The following SIM1 variants were observed in gnomAD, a reference collection of about 807,000 sequenced individuals.
SIM1 encodes the protein SIM bHLH transcription factor 1.
A neutral mutation model predicts 78.2 loss-of-function variants in SIM1; 18 were observed. The ratio of observed to expected loss-of-function variants is 0.23; its 90% CI spans 0.16 to 0.34. The LOEUF (loss-of-function observed/expected upper bound fraction) is 0.34, where lower values mean the gene tolerates loss of function less well. Ranked by LOEUF, SIM1 falls within the 10% of genes least tolerant of loss-of-function variation. The pLI, the probability that SIM1 is intolerant of heterozygous loss-of-function variation, is 1.00. For missense variants in SIM1, 939 were observed against 975.1 expected, an observed-to-expected ratio of 0.96 and a Z score of 0.49; for synonymous variants, 417 against 385.2, an observed-to-expected ratio of 1.08 and a Z score of -0.97.
At chr6:100,463,005 G>A (rs1409606206) in intron 2 of SIM1, 3 of 325,458 alleles carry the variant, frequency 9.2e-6, no homozygotes, top group Non-Finnish European at 1.1e-5. Context: ...ACTTTCAATT[G>A]AGCCTAGTAT....
In SIM1 at chr6:100,393,755, G is replaced by A; in HGVS notation, c.1302C>T (p.Cys434=). The A allele has an allele frequency of 1.2e-6, 2 of 1,614,188 alleles. No homozygotes were observed. Among genetic ancestry groups the A allele is most frequent in the Non-Finnish European group, 1.7e-6 (2 of 1,180,018 alleles). The part of the protein sequence containing the change: ...DRPGSQHDAS[C]AYRQFSDRSS... ...TGCGGTCCGAAAACTGTCTGTAGGC[G>A]CACGATGCGTCGTGCTGGGAGCCAG... Residue 434 remains cysteine (C), a synonymous_variant, in exon 11 of 12, where the codon TGC becomes TGT. Coordinates refer to ENST00000369208, the MANE Select transcript of SIM1 (RefSeq NM_005068.3).
rs1473046542 is a variant in SIM1 at position 100,385,399 on chromosome 6, A to G, written c.*4962T>C. On this transcript the variant is annotated 3_prime_UTR_variant, in exon 12 of 12. Transcript: ENST00000369208. ...TTTTGAAATATTTCCCTTCGGAAAA[A>G]AAAAGAAAAAAGACTTACAGTACTT... 1 of 152,030 alleles carries G rather than the reference A, an allele frequency of 6.6e-6. No individual in the cohort carries two copies. Among genetic ancestry groups the G allele is most frequent in the Non-Finnish European group, 1.5e-5 (1 of 67,948 alleles). The allele number at this position is 152,030 out of a possible 1,614,324, so 9.4% of individuals were successfully genotyped here.
At chr6:100,458,495 A>G (rs944228831) in intron 2 of SIM1, among the ~76,000 whole-genome samples, 3 of 152,174 alleles carry the variant, frequency 2.0e-5, no homozygotes, top group Non-Finnish European at 4.4e-5. Flanking sequence ...CTTGCCCTTC[A>G]GGGACAGTGG....
At chr6:100,408,535 A>C (rs1327303466) in intron 10 of SIM1, among the ~76,000 whole-genome samples, 1 of 151,994 alleles carries the variant, frequency 6.6e-6, no homozygotes, top group Admixed American at 6.6e-5. Flanking sequence ...TTCACCATTG[A>C]GTATAATGGT....
chr6:100,442,872 T>A (rs1461343441), intron 9 of SIM1, among the ~76,000 whole-genome samples: 1 of 152,104 alleles, frequency 6.6e-6, no homozygotes, highest in Non-Finnish European at 1.5e-5. Flanking sequence ...AATATGAACA[T>A]ATTTTAATGT....
intron 10 of SIM1, among the ~76,000 whole-genome samples, chr6:100,418,334 G>A (rs1259139585): frequency 6.8e-6 from 1 of 147,400 alleles, no homozygotes; most frequent in Non-Finnish European, 1.5e-5. Flanking sequence ...TCCAGCCTGG[G>A]CAGCAGACTG....
Position 100,393,468 on chromosome 6 carries a change from C to T in SIM1, c.1570+19G>A, listed in dbSNP as rs1397465144. ...GGGCCTAATGCTTGGAGTTCGGGAA[C>T]CCTTTCACCTGCTCTTACCATGGAT... On this transcript the variant is annotated intron_variant, in intron 11 of 11. Transcript: ENST00000369208. 2.0e-6 allele frequency: 3 copies of T among 1,501,392 alleles called. No individual in the cohort carries two copies. Among genetic ancestry groups the T allele is most frequent in the South Asian group, 2.7e-5 (2 of 73,628 alleles). The allele number at this position is 1,501,392 out of a possible 1,614,324, so 93.0% of individuals were successfully genotyped here. A position where few individuals can be genotyped will look rare whatever the true frequency, so the allele number is the denominator to read the frequency against.
At chr6:100,458,393 A>G (rs1321703460) in intron 2 of SIM1, among the ~76,000 whole-genome samples, 1 of 151,782 alleles carries the variant, frequency 6.6e-6, no homozygotes, top group East Asian at 2.0e-4. Context: ...CTTAGGTTCT[A>G]CTTGGCGCAG....
In SIM1 at chr6:100,450,694, TCTCACACACACA is replaced by T. The variant is rs1285855111; in HGVS notation, c.259-350_259-339del. ...CTCTCTCTCTCTCTCTCTCTCTCTC[TCTCACACACACA>T]CACACACACACACACACACACACAC... is the stretch of plus-strand genomic sequence containing the variant. On this transcript the variant is annotated intron_variant, in intron 3 of 11. Coordinates refer to ENST00000369208, the MANE Select transcript of SIM1 (RefSeq NM_005068.3). Among the ~76,000 whole-genome samples the T allele has an allele frequency of 1.4e-3, 133 of 93,312 alleles. 1 individual carries two copies. The highest frequency in any genetic ancestry group is 5.9e-3 in the African/African-American group (120 of 20,416). 61.2% of individuals were successfully genotyped at this position (93,312 alleles called of 152,430 possible).
intron 10 of SIM1, among the ~76,000 whole-genome samples, chr6:100,396,902 A>G (rs1248020740): frequency 6.6e-6 from 1 of 152,214 alleles, no homozygotes; most frequent in Non-Finnish European, 1.5e-5. Context: ...CTGCATAAAA[A>G]TGCAGTAGTG....
intron 10 of SIM1, among the ~76,000 whole-genome samples, chr6:100,399,160 G>A (rs897121025): frequency 6.6e-6 from 1 of 151,938 alleles, no homozygotes; most frequent in Non-Finnish European, 1.5e-5. Context: ...TTATTGAGTT[G>A]CTATAGCTTT....
intron 3 of SIM1, among the ~76,000 whole-genome samples, chr6:100,452,385 C>T (rs555459206): frequency 6.6e-6 from 1 of 152,296 alleles, no homozygotes; most frequent in Admixed American, 6.5e-5. Context: ...GCAGGGCTTT[C>T]CATCTGGCAT....
intron 9 of SIM1, among the ~76,000 whole-genome samples, chr6:100,446,210 T>C (rs956712119): frequency 6.6e-6 from 1 of 152,206 alleles, no homozygotes; most frequent in Non-Finnish European, 1.5e-5. Context: ...ACTACATTTT[T>C]AATTTGGCAA....
intron 2 of SIM1, among the ~76,000 whole-genome samples, chr6:100,462,335 T>A (rs866635226): frequency 3.9e-5 from 6 of 152,292 alleles, no homozygotes; most frequent in African/African-American, 1.4e-4. Context: ...CAAAGACATA[T>A]CTAAAATATT....
chr6:100,400,796 G>A (rs1243327944), intron 10 of SIM1, among the ~76,000 whole-genome samples: 1 of 152,100 alleles, frequency 6.6e-6, no homozygotes, highest in East Asian at 1.9e-4. Flanking sequence ...TTACAGTAGA[G>A]TGCCAACTGA....
intron 2 of SIM1, among the ~76,000 whole-genome samples, chr6:100,462,097 GAT>G (rs1038727804): frequency 4.8e-4 from 73 of 151,960 alleles, no homozygotes; most frequent in African/African-American, 1.7e-3. Flanking sequence ...TTTATGTCAT[GAT>G]CAAGCAAAGT....
Position 100,412,604 on chromosome 6 carries a change from AAAGAAAGGAAAGAAAG to A in SIM1, c.1167+8170_1167+8185del, listed in dbSNP as rs1409109475. Among the ~76,000 whole-genome samples, 5 of 117,062 alleles carry A rather than the reference AAAGAAAGGAAAGAAAG, an allele frequency of 4.3e-5. 1 individual carries two copies. Among genetic ancestry groups the A allele is most frequent in the South Asian group, 2.8e-4 (1 of 3,540 alleles). The allele number at this position is 117,062 out of a possible 152,430, so 76.8% of individuals were successfully genotyped here. A position where few individuals can be genotyped will look rare whatever the true frequency, so the allele number is the denominator to read the frequency against. ...GAAAGAAAGAAAGAAAGAAAGAAAG[AAAGAAAGGAAAGAAAG>A]AAGGAAAGAAAGAAAGAAAAGAAAG... is the stretch of plus-strand genomic sequence containing the variant. On this transcript the variant is annotated intron_variant, in intron 10 of 11. Coordinates refer to ENST00000369208, the MANE Select transcript of SIM1 (RefSeq NM_005068.3).
chr6:100,463,367 G>A lies in SIM1; in HGVS notation c.102C>T (p.Thr34=). Residue 34 remains threonine (T), a synonymous_variant, in exon 2 of 12, where the codon ACC becomes ACT. Transcript: ENST00000369208. ...TTATGGATGCTTTGTCCAGCTGCGA[G>A]GTGATAGCCGAGGGCAAAGGCAGTA... ...AKLLPLPSAI[T]SQLDKASIIR... is the part of the protein sequence containing the mutation. 2 of 1,614,060 alleles carry A rather than the reference G, an allele frequency of 1.2e-6. No individual in the cohort carries two copies. Among genetic ancestry groups the A allele is most frequent in the East Asian group, 4.5e-5 (2 of 44,864 alleles).
intron 9 of SIM1, 120 bp downstream of exon 9, chr6:100,447,148 G>T: frequency 8.9e-7 from 1 of 1,125,612 alleles, no homozygotes; most frequent in Non-Finnish European, 1.3e-6. Flanking sequence ...CAGCACTCGA[G>T]GGTCAAAATG....
Sources: gnomAD v4.1 joint callset for allele counts (sites outside exome capture counted in the v4.1 genomes callset) on GRCh38, gnomAD v4.1.1 for gene constraint, MANE v1.5 for transcripts, NCBI Gene and HGNC (gene_info 2026-07-23, HGNC 2026-07-21) for gene names.